F13A1: variants seen among roughly 807,000 people sequenced by gnomAD.
F13A1 encodes coagulation factor XIII A chain, also known as FSF, A subunit.
In F13A1, 47 loss-of-function variants were observed where a neutral mutation model predicts 80.1. The ratio of observed to expected loss-of-function variants is 0.59; its 90% CI spans 0.46 to 0.75. The LOEUF (loss-of-function observed/expected upper bound fraction) is 0.75. F13A1 is among the 30% of genes least tolerant of loss of function. F13A1 has a pLI of 0.00. For synonymous variants in F13A1, 349 were observed against 344.9 expected (o/e 1.01, Z -0.13); for missense variants, 817 against 930.4 (o/e 0.88, Z 1.59).
At chr6:6,308,303 G>A (rs953150) in intron 2 of F13A1, among the ~76,000 whole-genome samples, 16,742 of 152,080 alleles carry the variant, frequency 0.11, 1,182 homozygotes, top group South Asian at 0.2. Flanking sequence ...GATTATAGGC[G>A]TGAGCCATCA....
intron 11 of F13A1, 82 bp from the exon 12 acceptor site, chr6:6,174,949 G>T: frequency 1.3e-6 from 2 of 1,515,780 alleles, no homozygotes; most frequent in South Asian, 1.1e-5. Context: ...ACCGTGTACT[G>T]CACTTGTTGG....
intron 2 of F13A1, among the ~76,000 whole-genome samples, chr6:6,308,202 T>G (rs1454429922): frequency 6.6e-6 from 1 of 152,064 alleles, no homozygotes; most frequent in East Asian, 1.9e-4. Flanking sequence ...TTTAAAAAAT[T>G]TAATAGAGAC....
At chr6:6,255,341 G>A (rs1470829962) in intron 4 of F13A1, among the ~76,000 whole-genome samples, 2 of 152,062 alleles carry the variant, frequency 1.3e-5, no homozygotes, top group African/African-American at 4.8e-5. Flanking sequence ...ATCCTTGTGA[G>A]GAAAGTAGCC....
intron 8 of F13A1, among the ~76,000 whole-genome samples, chr6:6,205,007 C>T (rs1024457073): frequency 2.0e-5 from 3 of 152,198 alleles, no homozygotes; most frequent in Non-Finnish European, 4.4e-5. Context: ...CCTGGGTAGC[C>T]AGTCATGAAT....
At chr6:6,246,773 TG>T (rs1214573940) in intron 6 of F13A1, among the ~76,000 whole-genome samples, 1 of 152,232 alleles carries the variant, frequency 6.6e-6, no homozygotes, top group Non-Finnish European at 1.5e-5. Context: ...TTCTGACTTC[TG>T]GGTGCGTAAA....
At position 6,248,362 on chromosome 6, in the gene F13A1, G is replaced by T. The variant is rs1757582612; in HGVS notation, c.748C>A (p.Leu250Ile). The T allele has an allele frequency of 6.2e-7, 1 of 1,613,796 alleles. No individual in the cohort carries two copies. The highest frequency in any genetic ancestry group is 1.1e-5 in the South Asian group (1 of 91,074). ...TTGATGGGATTCCCTCTTCCAGAGA[G>T]GTCCATTTGTGCTCTGTCCATCACA... Reference protein sequence around the residue: ...LYVMDRAQMDLSGRGNPIKVS... With the variant: ...LYVMDRAQMDISGRGNPIKVS... The change falls in exon 6 of 15, where the codon CTC (leucine) becomes ATC (isoleucine). Residue 250 changes from leucine (L) to isoleucine (I), a missense_variant. Coordinates refer to ENST00000264870, the MANE Select transcript of F13A1 (RefSeq NM_000129.4).
intron 13 of F13A1, among the ~76,000 whole-genome samples, 163 bp downstream of exon 13, chr6:6,167,295 T>G (rs932566779): frequency 6.6e-6 from 1 of 151,448 alleles, no homozygotes; most frequent in Admixed American, 6.6e-5. Flanking sequence ...GTTTACTTCT[T>G]TCAAAGAACA....
chr6:6,253,239 G>A (rs539192065), intron 4 of F13A1, among the ~76,000 whole-genome samples: 5 of 151,552 alleles, frequency 3.3e-5, no homozygotes, highest in African/African-American at 1.2e-4. Context: ...TTGCCCAAAG[G>A]TAAATTAAAC....
chr6:6,296,282 G>T (rs2113166579), intron 3 of F13A1, among the ~76,000 whole-genome samples: 1 of 151,844 alleles, frequency 6.6e-6, no homozygotes, highest in South Asian at 2.1e-4. Context: ...ATTCTGTGAA[G>T]AAAGTCACTG....
intron 4 of F13A1, among the ~76,000 whole-genome samples, chr6:6,257,676 C>T (rs1757720928): frequency 6.6e-6 from 1 of 152,212 alleles, no homozygotes; most frequent in Non-Finnish European, 1.5e-5. Context: ...GATAGTATAT[C>T]TCCCACAGTG....
intron 4 of F13A1, among the ~76,000 whole-genome samples, chr6:6,261,572 C>A: frequency 1.3e-5 from 2 of 152,268 alleles, no homozygotes; most frequent in African/African-American, 2.4e-5. Flanking sequence ...ACAGAAGTGG[C>A]TGAACAAGCC....
At chr6:6,236,370 A>G (rs1420547358) in intron 6 of F13A1, among the ~76,000 whole-genome samples, 1 of 152,138 alleles carries the variant, frequency 6.6e-6, no homozygotes, top group African/African-American at 2.4e-5. Flanking sequence ...GTATAATATT[A>G]TCTATGATTT....
At chr6:6,251,174 T>TTAAG (rs1757627321) in intron 4 of F13A1, among the ~76,000 whole-genome samples, 2 of 152,182 alleles carry the variant, frequency 1.3e-5, no homozygotes, top group African/African-American at 2.4e-5. Context: ...CTCTGGCTCT[T>TTAAG]TAAGTTCCAA....
intron 8 of F13A1, among the ~76,000 whole-genome samples, chr6:6,211,385 T>C (rs771136831): frequency 1.1e-4 from 17 of 152,326 alleles, no homozygotes; most frequent in Non-Finnish European, 2.5e-4. Context: ...GCCAGAAATA[T>C]GGTTAACAAG....
intron 4 of F13A1, 108 bp from the exon 5 acceptor site, chr6:6,251,037 A>AT (rs1242294940): frequency 2.6e-5 from 23 of 877,570 alleles, no homozygotes; most frequent in South Asian, 9.2e-5. Flanking sequence ...AATCAGCCAA[A>AT]TTTTTAAAAA....
At chr6:6,256,795 A>G (rs1757709895) in intron 4 of F13A1, among the ~76,000 whole-genome samples, 1 of 152,154 alleles carries the variant, frequency 6.6e-6, no homozygotes, top group South Asian at 2.1e-4. Flanking sequence ...TCATCATTGC[A>G]TGGGCTGATA....
At chr6:6,158,904 TC>T (rs1478827342) in intron 13 of F13A1, among the ~76,000 whole-genome samples, 1 of 112,874 alleles carries the variant, frequency 8.9e-6, no homozygotes, top group Non-Finnish European at 1.9e-5. Flanking sequence ...TTTTTTTCTT[TC>T]TTTTTTTTTT....
chr6:6,148,028 C>T (rs1275009315), intron 14 of F13A1, among the ~76,000 whole-genome samples: 1 of 152,210 alleles, frequency 6.6e-6, no homozygotes, highest in Admixed American at 6.5e-5. Flanking sequence ...GGTTTGTCCT[C>T]TGTGCTTCTA....
At chr6:6,239,006 T>C (rs534170060) in intron 6 of F13A1, among the ~76,000 whole-genome samples, 80 of 152,264 alleles carry the variant, frequency 5.3e-4, no homozygotes, top group African/African-American at 1.9e-3. Flanking sequence ...CTTTAGCTAT[T>C]TACTCCAGAT....
Sources: allele counts gnomAD v4.1 joint callset (sites outside exome capture counted in the v4.1 genomes callset), GRCh38; gene constraint gnomAD v4.1.1; transcripts MANE v1.5; gene names NCBI Gene and HGNC (gene_info 2026-07-23, HGNC 2026-07-21).